Variants in CPXM2 observed in about 807,000 individuals in gnomAD.
The protein encoded by CPXM2 is inactive carboxypeptidase-like protein X2.
CPXM2 carries 66 observed loss-of-function variants against 86.1 expected under a neutral mutation model. The observed-to-expected ratio is 0.77, with a 90% CI of 0.63 to 0.94. The LOEUF (loss-of-function observed/expected upper bound fraction) is 0.94. CPXM2 is among the 40% of genes least tolerant of loss of function. The probability of loss-of-function intolerance (pLI) is 0.00; values close to 1 mark genes in which losing one functional copy is unlikely to be tolerated. For synonymous variants in CPXM2, 388 were observed against 400.2 expected, an observed-to-expected ratio of 0.97 and a Z score of 0.36; for missense variants, 948 against 1,026.3, an observed-to-expected ratio of 0.92 and a Z score of 1.04.
intron 1 of CPXM2, among the ~76,000 whole-genome samples, chr10:123,882,806 C>T (rs960779953): frequency 7.1e-6 from 1 of 140,960 alleles, no homozygotes; most frequent in East Asian, 2.4e-4. Context: ...AACACCATGG[C>T]CTGAAAAACC....
At chr10:123,791,068 G>A (rs1847196626) in intron 6 of CPXM2, among the ~76,000 whole-genome samples, 1 of 152,148 alleles carries the variant, frequency 6.6e-6, no homozygotes, top group Admixed American at 6.5e-5. Context: ...CTTTGAGTCT[G>A]AGTATCGGTT....
upstream of CPXM2, among the ~76,000 whole-genome samples, chr10:123,896,286 A>G: frequency 6.6e-6 from 1 of 152,256 alleles, no homozygotes; most frequent in Non-Finnish European, 1.5e-5. Flanking sequence ...TAGCTGCTAT[A>G]TAAAGAAAAA....
chr10:123,855,128 C>G (rs1848692715), intron 3 of CPXM2, among the ~76,000 whole-genome samples: 1 of 151,712 alleles, frequency 6.6e-6, no homozygotes, highest in Admixed American at 6.6e-5. Flanking sequence ...TCCTGTTATT[C>G]CCATAAAAAT....
At chr10:123,843,000 C>G (rs1169912982) in intron 3 of CPXM2, among the ~76,000 whole-genome samples, 1 of 152,140 alleles carries the variant, frequency 6.6e-6, no homozygotes, top group Admixed American at 6.5e-5. Context: ...ACAGAAAGCC[C>G]CAAGACCAGG....
Position 123,798,117 on chromosome 10 carries a change from C to G in CPXM2, c.748G>C (p.Gly250Arg). 1 of 1,602,108 alleles carries G rather than the reference C, an allele frequency of 6.2e-7. No individual in the cohort carries two copies. The highest frequency in any genetic ancestry group is 8.5e-7 in the Non-Finnish European group (1 of 1,174,692). Residue 250 changes from glycine to arginine, a missense_variant, in exon 6 of 14, where the codon GGA (glycine) becomes CGA (arginine). Coordinates refer to ENST00000241305, the MANE Select transcript of CPXM2 (RefSeq NM_198148.3). ...ACAGGGATCTCCTTCTCACTGTTTC[C>G]CTCAAATATCTATTTATGCTCATGG... Reference protein sequence around the residue: ...KNGSGDMIFEGNSEKEIPVLN... With the variant: ...KNGSGDMIFERNSEKEIPVLN...
chr10:123,815,847 A>G (rs1312545129), intron 4 of CPXM2, among the ~76,000 whole-genome samples: 1 of 152,336 alleles, frequency 6.6e-6, no homozygotes, highest in African/African-American at 2.4e-5. Flanking sequence ...TCTGAAGAAC[A>G]GGCATGGGAA....
rs545833742 is a variant in CPXM2 at position 123,885,485 on chromosome 10, G to C, written c.305-5176C>G. Among the ~76,000 whole-genome samples the C allele has an allele frequency of 2.0e-5, 3 of 152,320 alleles. No individual in the cohort carries two copies. In the South Asian group the frequency reaches 6.2e-4, roughly 32 times the overall value. Reference sequence around the variant, plus strand: ...ACCATGGAGCACCTACCTGTGCCTAGCATGAACCAGGCATTCCATACAAAT... The same window carrying C: ...ACCATGGAGCACCTACCTGTGCCTACCATGAACCAGGCATTCCATACAAAT... On this transcript the variant is annotated intron_variant, in intron 1 of 13. Transcript: ENST00000241305. The surrounding 1 kb of genome is among the most constrained non-coding windows in gnomAD (Gnocchi z 4.0).
intron 6 of CPXM2, among the ~76,000 whole-genome samples, chr10:123,794,528 A>ACC: frequency 1.3e-5 from 2 of 152,294 alleles, no homozygotes; most frequent in East Asian, 3.9e-4. Context: ...CACCAAGGCC[A>ACC]TGACCATCTG....
intron 10 of CPXM2, among the ~76,000 whole-genome samples, chr10:123,765,445 A>C (rs922721065): frequency 2.0e-5 from 3 of 152,252 alleles, no homozygotes; most frequent in African/African-American, 7.2e-5. Context: ...AGGATTACTT[A>C]GATCTTATAG....
intron 2 of CPXM2, among the ~76,000 whole-genome samples, chr10:123,905,909 C>T (rs929037843): frequency 1.3e-5 from 2 of 152,154 alleles, no homozygotes; most frequent in African/African-American, 4.8e-5. Flanking sequence ...TCCAGGCCAC[C>T]TTGAGGCTGA....
At chr10:123,931,894 A>C (rs1196983051) in intron 2 of CPXM2, among the ~76,000 whole-genome samples, 1 of 152,228 alleles carries the variant, frequency 6.6e-6, no homozygotes, top group Non-Finnish European at 1.5e-5. Context: ...GCAGTGACTG[A>C]TGATGAAATT....
At chr10:123,797,296 A>C (rs1334981004) in intron 6 of CPXM2, among the ~76,000 whole-genome samples, 1 of 152,224 alleles carries the variant, frequency 6.6e-6, no homozygotes, top group Non-Finnish European at 1.5e-5. Context: ...GCCACTACCC[A>C]GTGTAATGGT....
chr10:123,919,848 A>C (rs1945566898), intron 2 of CPXM2, among the ~76,000 whole-genome samples: 1 of 152,240 alleles, frequency 6.6e-6, no homozygotes, highest in Non-Finnish European at 1.5e-5. Flanking sequence ...CACTCATGAC[A>C]GAAGGTGAAA....
At chr10:123,757,743 G>A (rs554241741) in intron 11 of CPXM2, among the ~76,000 whole-genome samples, 2 of 152,274 alleles carry the variant, frequency 1.3e-5, no homozygotes, top group African/African-American at 4.8e-5. Context: ...CTACAGTTGT[G>A]CTGTCTCAGC....
At chr10:123,907,678 CAT>C (rs1467503708) in intron 2 of CPXM2, among the ~76,000 whole-genome samples, 1 of 132,304 alleles carries the variant, frequency 7.6e-6, no homozygotes, top group African/African-American at 2.7e-5. Flanking sequence ...ATTACAGAAA[CAT>C]AGATGCCCCC....
At chr10:123,774,862 AG>A (rs1846743910) in intron 7 of CPXM2, among the ~76,000 whole-genome samples, 2 of 152,252 alleles carry the variant, frequency 1.3e-5, no homozygotes, top group Admixed American at 6.5e-5. Context: ...CCAGGACAGC[AG>A]GGGGCCACAT....
chr10:123,937,248 G>A (rs61861989), intron 2 of CPXM2, among the ~76,000 whole-genome samples: 1 of 152,206 alleles, frequency 6.6e-6, no homozygotes, highest in African/African-American at 2.4e-5. Context: ...CCCCAGTTGT[G>A]GGGTCTCAGG....
At chr10:123,808,968 G>A (rs1847635965) in intron 4 of CPXM2, among the ~76,000 whole-genome samples, 2 of 151,706 alleles carry the variant, frequency 1.3e-5, no homozygotes, top group Admixed American at 1.3e-4. Context: ...AATATTAAAT[G>A]GAAAATTCCA....
rs1382455780 is a variant in CPXM2 at position 123,842,387 on chromosome 10, GA to G, written c.614del (p.Phe205SerfsTer14). ...IEVDARRLTR[F>X]TGVITQGRNS... ...TCCTCCCTTGAGTGATGACACCAGTGAATCTGGTCAGGCGCCGAGCATCCAC... is the reference window on the plus strand; with the variant it reads ...TCCTCCCTTGAGTGATGACACCAGTGATCTGGTCAGGCGCCGAGCATCCAC... On this transcript the variant is annotated frameshift_variant, in exon 4 of 14. Transcript: ENST00000241305. LOFTEE classifies it high-confidence loss of function. 6.2e-7 allele frequency: 1 copy of G among 1,614,266 alleles called. No individual in the cohort carries two copies. Among genetic ancestry groups the G allele is most frequent in the East Asian group, 2.2e-5 (1 of 44,886 alleles).
Sources: allele counts gnomAD v4.1 joint callset (sites outside exome capture counted in the v4.1 genomes callset), GRCh38; gene constraint gnomAD v4.1.1; non-coding constraint Gnocchi (gnomAD v3.1); transcripts MANE v1.5; gene names NCBI Gene and HGNC (gene_info 2026-07-23, HGNC 2026-07-21).